The following SERGEF variants were observed in gnomAD, a reference collection of about 807,000 sequenced individuals.
SERGEF encodes the protein secretion-regulating guanine nucleotide exchange factor.
Under a neutral mutation model 50.0 loss-of-function variants are expected in SERGEF, and 51 were observed. That is an observed-to-expected ratio of 1.02 (90% confidence interval 0.81 to 1.29). The LOEUF is 1.29. SERGEF is among the 50% of genes most tolerant of loss of function. The pLI is 0.00. For synonymous variants in SERGEF, 205 were observed against 212.4 expected (o/e 0.97, Z 0.30); for missense variants, 521 against 557.0 (o/e 0.94, Z 0.65).
At chr11:17,798,726 G>A (rs1322803037) in intron 10 of SERGEF, among the ~76,000 whole-genome samples, 1 of 152,228 alleles carries the variant, frequency 6.6e-6, no homozygotes, top group Non-Finnish European at 1.5e-5. Context: ...GGGCTTATTG[G>A]CTGCCTTGCG....
At chr11:17,961,802 C>T (rs1178781012) in intron 8 of SERGEF, among the ~76,000 whole-genome samples, 1 of 152,218 alleles carries the variant, frequency 6.6e-6, no homozygotes, top group African/African-American at 2.4e-5. Context: ...AAATTTAACA[C>T]ACTCTGAACT....
At position 17,834,887 on chromosome 11, in the gene SERGEF, G is replaced by A. The variant is rs566557297; in HGVS notation, c.1048+43321C>T. On this transcript the variant is annotated intron_variant, in intron 10 of 10. Transcript: ENST00000265965. Reference sequence around the variant, plus strand: ...CTCAGCTGGTATTTCGGTTCCCCTCGGCCTGGTTCACACATCTTTTGTCAG... The same window carrying A: ...CTCAGCTGGTATTTCGGTTCCCCTCAGCCTGGTTCACACATCTTTTGTCAG... 7.2e-5 allele frequency among the ~76,000 whole-genome samples: 11 copies of A among 152,104 alleles called. No homozygotes were observed. In the South Asian group the frequency reaches 2.3e-3, roughly 32 times the overall value.
chr11:18,012,886 G>A (rs1854228580), intron 1 of SERGEF, 65 bp downstream of exon 1: 1 of 1,530,882 alleles, frequency 6.5e-7, no homozygotes, highest in Non-Finnish European at 8.7e-7. Flanking sequence ...CCACGCCGCG[G>A]CCAGCAGCTC....
intron 10 of SERGEF, among the ~76,000 whole-genome samples, chr11:17,852,275 C>T (rs982257423): frequency 5.3e-5 from 8 of 152,166 alleles, no homozygotes; most frequent in African/African-American, 9.7e-5. Flanking sequence ...GTCTGACTCC[C>T]GAACCCATGC....
At chr11:17,925,814 A>C (rs1852239258) in intron 9 of SERGEF, among the ~76,000 whole-genome samples, 1 of 152,202 alleles carries the variant, frequency 6.6e-6, no homozygotes, top group Non-Finnish European at 1.5e-5. Flanking sequence ...AAGACAGGAC[A>C]TTAGAATAAG....
chr11:17,984,573 C>T (rs546365943), intron 8 of SERGEF, among the ~76,000 whole-genome samples: 40 of 152,302 alleles, frequency 2.6e-4, no homozygotes, highest in African/African-American at 9.4e-4. Context: ...GGTGGGGACA[C>T]ACATCCAAAC....
chr11:17,855,914 G>A (rs1264375364), intron 10 of SERGEF: 1 of 152,122 alleles, frequency 6.6e-6, no homozygotes, highest in Non-Finnish European at 1.5e-5. Context: ...GGGAACAGTT[G>A]GCTTCTGAGA....
chr11:17,811,667 G>C (rs1349695381), intron 10 of SERGEF, among the ~76,000 whole-genome samples: 2 of 152,250 alleles, frequency 1.3e-5, no homozygotes, highest in East Asian at 3.8e-4. Flanking sequence ...CCCAGGCACT[G>C]TGCTGGGCGC....
intron 10 of SERGEF, among the ~76,000 whole-genome samples, chr11:17,811,976 T>C (rs191359163): frequency 1.3e-5 from 2 of 152,272 alleles, no homozygotes; most frequent in Non-Finnish European, 2.9e-5. Flanking sequence ...CATGGGTGAA[T>C]GAAACTAGCA....
chr11:17,798,544 G>T (rs898287887), intron 10 of SERGEF, among the ~76,000 whole-genome samples: 14 of 152,254 alleles, frequency 9.2e-5, no homozygotes, highest in Non-Finnish European at 1.6e-4. Flanking sequence ...CAGTGAGAGC[G>T]TGCTGTGGCA....
chr11:17,883,781 T>C (rs940321874), intron 9 of SERGEF, among the ~76,000 whole-genome samples: 4 of 152,154 alleles, frequency 2.6e-5, no homozygotes, highest in Admixed American at 1.3e-4. Context: ...TGCCTAGGGC[T>C]AGGAGTGCCC....
intron 9 of SERGEF, among the ~76,000 whole-genome samples, chr11:17,937,722 C>T (rs1342061142): frequency 2.0e-5 from 3 of 151,648 alleles, no homozygotes; most frequent in African/African-American, 4.8e-5. Flanking sequence ...CAGAGGTAGA[C>T]AAAAAAACAA....
chr11:17,810,977 G>A (rs761646148), intron 10 of SERGEF, among the ~76,000 whole-genome samples: 4 of 152,178 alleles, frequency 2.6e-5, no homozygotes, highest in Non-Finnish European at 5.9e-5. Context: ...TTCTAGCCCG[G>A]AGCCTCTTGG....
chr11:17,975,179 G>A (rs1853343645), intron 8 of SERGEF, among the ~76,000 whole-genome samples: 1 of 152,214 alleles, frequency 6.6e-6, no homozygotes, highest in Non-Finnish European at 1.5e-5. Context: ...ATTGAGCGAA[G>A]CAAGGCTAAG....
intron 9 of SERGEF, among the ~76,000 whole-genome samples, chr11:17,911,144 C>T (rs1035967554): frequency 2.6e-5 from 4 of 151,830 alleles, no homozygotes; most frequent in Non-Finnish European, 4.4e-5. Flanking sequence ...ATGTTTTAAG[C>T]ACTTTACCTA....
rs930137436 is a variant in SERGEF at position 17,846,404 on chromosome 11, T to C, written c.1048+31804A>G. Among the ~76,000 whole-genome samples, 4 of 152,256 alleles carry C rather than the reference T, an allele frequency of 2.6e-5. No homozygotes were observed. The South Asian group carries it at 8.3e-4, about 32-fold the overall frequency. ...GTTTGTTTTTGGCAACTACTGGGCT[T>C]GATGATTGGGCAGCAGTATGTAGAG... On this transcript the variant is annotated intron_variant, in intron 10 of 10. Coordinates refer to ENST00000265965, the MANE Select transcript of SERGEF (RefSeq NM_012139.4).
chr11:17,997,529 C>T (rs913651720), intron 5 of SERGEF, among the ~76,000 whole-genome samples: 9 of 152,136 alleles, frequency 5.9e-5, no homozygotes, highest in African/African-American at 1.9e-4. Context: ...CTTCTGGGTA[C>T]ACATCCAAAA....
chr11:17,883,263 T>C (rs1851369345), intron 9 of SERGEF, among the ~76,000 whole-genome samples: 1 of 152,204 alleles, frequency 6.6e-6, no homozygotes, highest in African/African-American at 2.4e-5. Context: ...TGACTGATAA[T>C]ATGCTCAGTA....
At chr11:17,816,286 T>G (rs531240939) in intron 10 of SERGEF, among the ~76,000 whole-genome samples, 1 of 152,302 alleles carries the variant, frequency 6.6e-6, no homozygotes, top group African/African-American at 2.4e-5. Context: ...TTCCCATTAG[T>G]GCAGCTGAGA....
Sources: gnomAD v4.1 joint callset for allele counts (sites outside exome capture counted in the v4.1 genomes callset) on GRCh38, gnomAD v4.1.1 for gene constraint, MANE v1.5 for transcripts, NCBI Gene and HGNC (gene_info 2026-07-23, HGNC 2026-07-21) for gene names.